The following CDH12 variants were observed in gnomAD, a reference collection of about 807,000 sequenced individuals.
The protein encoded by CDH12 is cadherin 12, also known as cadherin-12.
A neutral mutation model predicts 74.1 loss-of-function variants in CDH12; 41 were observed. The ratio of observed to expected loss-of-function variants is 0.55; its 90% confidence interval spans 0.43 to 0.72. The LOEUF is 0.72. CDH12 is among the 30% of genes least tolerant of loss of function. CDH12 has a pLI of 0.00. For missense variants in CDH12, 945 were observed against 977.2 expected, an observed-to-expected ratio of 0.97 and a Z score of 0.44; for synonymous variants, 399 against 355.0, an observed-to-expected ratio of 1.12 and a Z score of -1.39.
intron 1 of CDH12, among the ~76,000 whole-genome samples, chr5:22,612,409 C>T (rs577167977): frequency 8.5e-5 from 13 of 152,052 alleles, no homozygotes; most frequent in Non-Finnish European, 1.8e-4. Flanking sequence ...CATAATATCA[C>T]TTTAGAAATA....
chr5:22,134,793 C>T (rs951429633), intron 4 of CDH12, among the ~76,000 whole-genome samples: 2 of 145,412 alleles, frequency 1.4e-5, no homozygotes, highest in South Asian at 4.5e-4. Context: ...CTCCATAATC[C>T]CTGTCACTTT....
chr5:22,422,232 A>T (rs185383839), intron 2 of CDH12, among the ~76,000 whole-genome samples: 36 of 152,192 alleles, frequency 2.4e-4, no homozygotes, highest in African/African-American at 7.2e-4. Context: ...AAGAGTCATA[A>T]ATGACTCTTA....
At chr5:22,523,023 A>G (rs1737120495) in intron 1 of CDH12, among the ~76,000 whole-genome samples, 1 of 152,156 alleles carries the variant, frequency 6.6e-6, no homozygotes, top group East Asian at 1.9e-4. Context: ...TTCTGCTGAA[A>G]TTGACTTCTT....
chr5:22,222,923 T>A (rs77432088), intron 3 of CDH12, among the ~76,000 whole-genome samples: 1 of 152,000 alleles, frequency 6.6e-6, no homozygotes, highest in Non-Finnish European at 1.5e-5. Flanking sequence ...TTCTAATTAT[T>A]CAAGAATTAT....
chr5:22,622,031 C>A (rs537660274), intron 1 of CDH12, among the ~76,000 whole-genome samples: 3 of 152,056 alleles, frequency 2.0e-5, no homozygotes, highest in African/African-American at 4.8e-5. Context: ...AATTGATACA[C>A]ATTTCTTAAG....
At chr5:22,140,052 C>G (rs1287569497) in intron 4 of CDH12, among the ~76,000 whole-genome samples, 1 of 152,104 alleles carries the variant, frequency 6.6e-6, no homozygotes, top group Non-Finnish European at 1.5e-5. Flanking sequence ...ATCCCCGGAA[C>G]TTTCACCCCT....
chr5:22,276,424 T>A (rs543597657), intron 3 of CDH12, among the ~76,000 whole-genome samples: 3 of 152,336 alleles, frequency 2.0e-5, no homozygotes, highest in African/African-American at 7.2e-5. Flanking sequence ...TATTATATGT[T>A]ATGTAATACA....
Position 22,308,847 on chromosome 5 carries a change from T to TAC in CDH12, c.-332-96206_-332-96205dup, listed in dbSNP as rs1215491497. Among the ~76,000 whole-genome samples the TAC allele has an allele frequency of 3.5e-4, 20 of 56,840 alleles. 1 individual carries two copies. The highest frequency in any genetic ancestry group is 1.4e-3 in the African/African-American group (19 of 13,746). 37.3% of individuals were successfully genotyped at this position (56,840 alleles called of 152,430 possible). On this transcript the variant is annotated intron_variant, in intron 3 of 14. Coordinates refer to ENST00000382254, the MANE Select transcript of CDH12 (RefSeq NM_004061.5). ...ACACACACACACACACACACACACA[T>TAC]ACACACAGAGAGAGAGAGAGAGGAG... is the stretch of plus-strand genomic sequence containing the variant.
chr5:22,577,425 T>C lies in CDH12; in HGVS notation c.-522-72061A>G, dbSNP rs994614715. Among the ~76,000 whole-genome samples, 8 of 152,192 alleles carry C rather than the reference T, an allele frequency of 5.3e-5. No individual in the cohort carries two copies. In the East Asian group the frequency reaches 1.2e-3, roughly 22 times the overall value. On this transcript the variant is annotated intron_variant, in intron 1 of 14. Coordinates refer to ENST00000382254, the MANE Select transcript of CDH12 (RefSeq NM_004061.5). ...CTAATATCTTGTTCCAGATATTACA[T>C]AGTGGTGGACAGCCTGGAAGGCAGG...
intron 4 of CDH12, among the ~76,000 whole-genome samples, chr5:22,100,644 A>T (rs1230258664): frequency 1.1e-5 from 1 of 92,812 alleles, no homozygotes; most frequent in East Asian, 3.2e-4. Flanking sequence ...ACTATATGCC[A>T]TACATTAGAC....
At chr5:22,113,850 G>A (rs1284254720) in intron 4 of CDH12, among the ~76,000 whole-genome samples, 1 of 152,022 alleles carries the variant, frequency 6.6e-6, no homozygotes, top group African/African-American at 2.4e-5. Context: ...TTATATAGGG[G>A]TCATTCCTAT....
intron 1 of CDH12, among the ~76,000 whole-genome samples, chr5:22,548,602 A>G (rs1260716565): frequency 6.6e-6 from 1 of 151,944 alleles, no homozygotes; most frequent in East Asian, 1.9e-4. Flanking sequence ...GTGTTCCCTT[A>G]GCTTACTCTC....
intron 8 of CDH12, among the ~76,000 whole-genome samples, chr5:21,837,685 T>C (rs932686180): frequency 6.6e-6 from 1 of 152,206 alleles, no homozygotes; most frequent in Non-Finnish European, 1.5e-5. Context: ...AAGAATTGGC[T>C]TTTCTCTTTA....
intron 4 of CDH12, among the ~76,000 whole-genome samples, chr5:22,128,037 C>T (rs1411087220): frequency 6.6e-6 from 1 of 152,046 alleles, no homozygotes; most frequent in Non-Finnish European, 1.5e-5. Flanking sequence ...ACCTACTGTT[C>T]ATTACACTTA....
chr5:22,826,830 T>A (rs1316838485), intron 1 of CDH12, among the ~76,000 whole-genome samples: 2 of 152,180 alleles, frequency 1.3e-5, no homozygotes, highest in Non-Finnish European at 2.9e-5. Context: ...TTGGGAGCTG[T>A]TAAAGGCATT....
chr5:22,625,530 G>C lies in CDH12; in HGVS notation c.-522-120166C>G, dbSNP rs948746078. Among the ~76,000 whole-genome samples the C allele has an allele frequency of 3.3e-5, 5 of 152,278 alleles. No homozygotes were observed. In the East Asian group the frequency reaches 7.8e-4, roughly 24 times the overall value. On this transcript the variant is annotated intron_variant, in intron 1 of 14. Transcript: ENST00000382254. ...CAAAGAATTTGGTTCAGGAAGGGTT[G>C]TAGTGGAGTATGGCCAGGGAGGCTC...
chr5:22,253,593 A>G (rs1171788595), intron 3 of CDH12, among the ~76,000 whole-genome samples: 1 of 151,814 alleles, frequency 6.6e-6, no homozygotes, highest in African/African-American at 2.4e-5. Flanking sequence ...CATACTTTTT[A>G]ACTCTGATTT....
At position 22,125,045 on chromosome 5, in the gene CDH12, G is replaced by A. The variant is rs149517326; in HGVS notation, c.-186-46183C>T. On this transcript the variant is annotated intron_variant, in intron 4 of 14. Coordinates refer to ENST00000382254, the MANE Select transcript of CDH12 (RefSeq NM_004061.5). ...ACCTGTCCTTGCTTCAAGGGGAGTG[G>A]GTTACTTTTTTTTAAGTTTTTATAT... 5.0e-3 allele frequency among the ~76,000 whole-genome samples: 768 copies of A among 152,094 alleles called. 5 individuals carry two copies. The highest frequency in any genetic ancestry group is 0.017 in the African/African-American group (704 of 41,502).
intron 3 of CDH12, among the ~76,000 whole-genome samples, chr5:22,275,695 G>A (rs1736602713): frequency 6.6e-6 from 1 of 152,108 alleles, no homozygotes; most frequent in Admixed American, 6.5e-5. Context: ...CATTTATGTT[G>A]TAGAGTAACT....
Sources: allele counts gnomAD v4.1 joint callset (sites outside exome capture counted in the v4.1 genomes callset), GRCh38; gene constraint gnomAD v4.1.1; transcripts MANE v1.5; gene names NCBI Gene and HGNC (gene_info 2026-07-23, HGNC 2026-07-21).